IL1RAPL1: variants seen among roughly 807,000 people sequenced by gnomAD.
IL1RAPL1 encodes interleukin-1 receptor accessory protein-like 1.
IL1RAPL1 carries 3 observed loss-of-function variants against 48.4 expected under a neutral mutation model. The observed-to-expected ratio is 0.06, with a 90% CI of 0.03 to 0.16. The LOEUF (loss-of-function observed/expected upper bound fraction) is 0.16, where lower values mean the gene tolerates loss of function less well. IL1RAPL1 is among the 10% of genes least tolerant of loss of function. The probability of loss-of-function intolerance (pLI) is 1.00; values close to 1 mark genes in which losing one functional copy is unlikely to be tolerated. For missense variants in IL1RAPL1, 349 were observed against 530.6 expected (o/e 0.66, Z 3.36); for synonymous variants, 185 against 187.7 (o/e 0.99, Z 0.12).
chrX:29,164,810 G>A (rs1282258743), intron 2 of IL1RAPL1, among the ~76,000 whole-genome samples: 2 of 110,706 alleles, frequency 1.8e-5, no homozygotes, highest in Non-Finnish European at 3.8e-5. Flanking sequence ...GTGTATGTGT[G>A]TGTGTGTATG....
chrX:28,852,495 C>G, intron 2 of IL1RAPL1, among the ~76,000 whole-genome samples: 1 of 111,371 alleles, frequency 9.0e-6, no homozygotes, highest in Non-Finnish European at 1.9e-5. Flanking sequence ...TAATTTGCTT[C>G]TTTCAACATT....
intron 8 of IL1RAPL1, among the ~76,000 whole-genome samples, chrX:29,922,062 G>T (rs186015166): frequency 1.0e-3 from 116 of 110,858 alleles, no homozygotes; most frequent in African/African-American, 3.6e-3. Flanking sequence ...CATATTTTGG[G>T]GGGGGACAAG....
rs146829208 is a variant in IL1RAPL1, at chrX:29,132,840, G to C, written c.83-150098G>C. Among the ~76,000 whole-genome samples, 763 of 110,539 alleles carry C rather than the reference G, an allele frequency of 6.9e-3. 5 individuals are homozygous for C. The highest frequency in any genetic ancestry group is 0.023 in the African/African-American group (689 of 30,437). On this transcript the variant is annotated intron_variant, in intron 2 of 10. Transcript: ENST00000378993. ...TATTATTATCCATTATAATGATTTT[G>C]CTGAGTGCATTTACTCGTTGGCTTT...
At chrX:28,702,056 C>G (rs1335691502) in intron 1 of IL1RAPL1, among the ~76,000 whole-genome samples, 1 of 111,277 alleles carries the variant, frequency 9.0e-6, no homozygotes. Context: ...GGACTAAAGT[C>G]TTGTATTGAG....
chrX:29,365,537 AAC>A (rs1239486145), intron 3 of IL1RAPL1, among the ~76,000 whole-genome samples: 3 of 107,306 alleles, frequency 2.8e-5, no homozygotes, highest in Non-Finnish European at 1.9e-5. Context: ...CTCTACTAAA[AAC>A]ACAAAAAAAT....
intron 6 of IL1RAPL1, among the ~76,000 whole-genome samples, chrX:29,773,028 A>T (rs1316635370): frequency 8.9e-6 from 1 of 111,924 alleles, no homozygotes; most frequent in Non-Finnish European, 1.9e-5. Flanking sequence ...TCCTGCTCAA[A>T]ATGTGAGAAT....
chrX:29,504,003 C>T (rs866353181), intron 5 of IL1RAPL1, among the ~76,000 whole-genome samples: 5 of 102,416 alleles, frequency 4.9e-5, no homozygotes, highest in Non-Finnish European at 5.9e-5. Context: ...CAAGTGCAGA[C>T]TTGACAGAGT....
intron 6 of IL1RAPL1, among the ~76,000 whole-genome samples, chrX:29,878,124 G>A (rs749154748): frequency 7.1e-5 from 8 of 112,147 alleles, no homozygotes; most frequent in Non-Finnish European, 1.5e-4. Flanking sequence ...TTCTTGGGAA[G>A]TAATAACAAT....
intron 1 of IL1RAPL1, among the ~76,000 whole-genome samples, chrX:28,665,978 A>C (rs1303550574): frequency 8.9e-6 from 1 of 112,103 alleles, no homozygotes; most frequent in Non-Finnish European, 1.9e-5. Flanking sequence ...CCCACGCTGC[A>C]CTGGCCTACA....
intron 3 of IL1RAPL1, among the ~76,000 whole-genome samples, chrX:29,309,865 G>T (rs1461391104): frequency 1.9e-5 from 2 of 107,077 alleles, no homozygotes; most frequent in Non-Finnish European, 3.8e-5. Flanking sequence ...GGTGGCCGAG[G>T]TGGGTGGATC....
intron 6 of IL1RAPL1, among the ~76,000 whole-genome samples, chrX:29,831,803 AC>A (rs1930884358): frequency 9.0e-6 from 1 of 110,760 alleles, no homozygotes; most frequent in African/African-American, 3.3e-5. Flanking sequence ...TTCCCCTACC[AC>A]CCCAACAGTA....
intron 6 of IL1RAPL1, among the ~76,000 whole-genome samples, chrX:29,676,273 G>T (rs767888346): frequency 8.9e-6 from 1 of 112,271 alleles, no homozygotes; most frequent in South Asian, 3.7e-4. Flanking sequence ...ATACATGTTT[G>T]CTGTTAGTAT....
intron 1 of IL1RAPL1, among the ~76,000 whole-genome samples, chrX:28,696,466 T>TA (rs1255863226): frequency 9.0e-6 from 1 of 111,516 alleles, no homozygotes; most frequent in African/African-American, 3.2e-5. Context: ...TAGCATTTGA[T>TA]AGAGTATGGA....
At chrX:28,685,336 G>A (rs756000556) in intron 1 of IL1RAPL1, among the ~76,000 whole-genome samples, 4 of 112,078 alleles carry the variant, frequency 3.6e-5, no homozygotes, top group Admixed American at 1.9e-4. Flanking sequence ...GTTTCATTTA[G>A]CTATTTAGGC....
chrX:29,087,624 T>G (rs1927983552), intron 2 of IL1RAPL1, among the ~76,000 whole-genome samples: 1 of 112,562 alleles, frequency 8.9e-6, no homozygotes, highest in African/African-American at 3.2e-5. Context: ...AGCCAATACA[T>G]CTAGAGAAAA....
intron 6 of IL1RAPL1, among the ~76,000 whole-genome samples, chrX:29,743,407 C>T (rs367587079): frequency 3.9e-4 from 43 of 110,819 alleles, no homozygotes; most frequent in African/African-American, 1.4e-3. Flanking sequence ...TATTAAACTA[C>T]GGGCAAATAT....
rs375433754 is a variant in IL1RAPL1 at position 28,960,737 on chromosome X, C to G, written c.82+171312C>G. On this transcript the variant is annotated intron_variant, in intron 2 of 10. Transcript: ENST00000378993. The stretch of plus-strand genomic sequence containing the variant: ...AAAATGTGGGTAAAGGGCCGGGCGC[C>G]GTGGCTCACGCCTGTAATCCCAGCA... Among the ~76,000 whole-genome samples, 543 of 110,943 alleles carry G rather than the reference C, an allele frequency of 4.9e-3. 4 individuals are homozygous for G. The highest frequency in any genetic ancestry group is 0.017 in the African/African-American group (508 of 30,544).
rs187237723 is a variant in IL1RAPL1 at position 29,631,004 on chromosome X, G to A, written c.704-37426G>A. On this transcript the variant is annotated intron_variant, in intron 5 of 10. Transcript: ENST00000378993. ...CATAAATGGCCAATATTGAAAATAT[G>A]TTTTTTCAATATATTGAACATTTAT... 2.6e-3 allele frequency among the ~76,000 whole-genome samples: 296 copies of A among 111,712 alleles called. 1 individual carries two copies. Among genetic ancestry groups the A allele is most frequent in the Non-Finnish European group, 4.2e-3 (222 of 53,162 alleles).
At chrX:29,374,680 A>G (rs1290212117) in intron 3 of IL1RAPL1, among the ~76,000 whole-genome samples, 1 of 109,287 alleles carries the variant, frequency 9.2e-6, no homozygotes, top group Non-Finnish European at 1.9e-5. Context: ...ATATTTGATA[A>G]GCAGACATCC....
Sources: gnomAD v4.1 joint callset for allele counts (sites outside exome capture counted in the v4.1 genomes callset) on GRCh38, gnomAD v4.1.1 for gene constraint, MANE v1.5 for transcripts, NCBI Gene and HGNC (gene_info 2026-07-23, HGNC 2026-07-21) for gene names.